The following KLHL29 variants were observed in gnomAD, a reference collection of about 807,000 sequenced individuals.
KLHL29 encodes kelch-like protein 29.
KLHL29 carries 21 observed loss-of-function variants against 80.4 expected under a neutral mutation model. The ratio of observed to expected loss-of-function variants is 0.26; its 90% CI spans 0.19 to 0.38. The LOEUF is 0.38. Among genes scored for constraint, KLHL29 ranks in the 10% least tolerant of loss-of-function variants. The probability of loss-of-function intolerance (pLI) is 1.00; values close to 1 mark genes in which losing one functional copy is unlikely to be tolerated. For synonymous variants in KLHL29, 511 were observed against 526.8 expected, an observed-to-expected ratio of 0.97 and a Z score of 0.41; for missense variants, 867 against 1,223.9, an observed-to-expected ratio of 0.71 and a Z score of 4.35.
intron 5 of KLHL29, among the ~76,000 whole-genome samples, chr2:23,666,622 A>C (rs1353175768): frequency 6.6e-6 from 1 of 152,218 alleles, no homozygotes; most frequent in East Asian, 1.9e-4. Flanking sequence ...ATGCAAGGAG[A>C]GTCCATTGAG....
intron 5 of KLHL29, among the ~76,000 whole-genome samples, chr2:23,651,994 C>T (rs1670100080): frequency 6.6e-6 from 1 of 152,174 alleles, no homozygotes; most frequent in Admixed American, 6.5e-5. Flanking sequence ...AGGGCTTCAA[C>T]ACAGGAATTT....
chr2:23,663,446 G>A (rs912152574), intron 5 of KLHL29, among the ~76,000 whole-genome samples: 1 of 152,206 alleles, frequency 6.6e-6, no homozygotes, highest in African/African-American at 2.4e-5. Flanking sequence ...ACGTGTGCCG[G>A]GGAGGGGACC....
intron 1 of KLHL29, among the ~76,000 whole-genome samples, chr2:23,446,884 AAT>A: frequency 6.6e-6 from 1 of 152,228 alleles, no homozygotes; most frequent in East Asian, 1.9e-4. Flanking sequence ...GCTGCAGTGA[AAT>A]ATGGAAACGG....
intron 1 of KLHL29, among the ~76,000 whole-genome samples, chr2:23,460,424 G>A (rs1011125306): frequency 2.6e-5 from 4 of 152,142 alleles, no homozygotes; most frequent in African/African-American, 9.7e-5. Flanking sequence ...TGATGTAGGG[G>A]GGAAGGGATG....
chr2:23,697,877 C>CAAT (rs1383251338), intron 11 of KLHL29: 1 of 152,178 alleles, frequency 6.6e-6, no homozygotes, highest in East Asian at 1.9e-4. Flanking sequence ...ATTTGTCATC[C>CAAT]AATAATAAAC....
At chr2:23,522,489 T>G (rs1488836363) in intron 2 of KLHL29, among the ~76,000 whole-genome samples, 1 of 152,122 alleles carries the variant, frequency 6.6e-6, no homozygotes, top group Non-Finnish European at 1.5e-5. Flanking sequence ...TTTGGTTATG[T>G]TTGGGATCAC....
intron 1 of KLHL29, among the ~76,000 whole-genome samples, chr2:23,474,813 A>G (rs934675785): frequency 2.0e-5 from 3 of 152,164 alleles, no homozygotes; most frequent in Non-Finnish European, 2.9e-5. Flanking sequence ...AGGAAAATCA[A>G]TTGATAATGA....
At position 23,385,603 on chromosome 2, in the gene KLHL29, A is replaced by AAGGCGGAGAGCAGGAACGCGAGGAGG. The variant is rs1666153252; in HGVS notation, c.-327_-302dup. The AAGGCGGAGAGCAGGAACGCGAGGAGG allele has an allele frequency of 1.8e-5, 3 of 167,702 alleles. No individual in the cohort carries two copies. Among genetic ancestry groups the AAGGCGGAGAGCAGGAACGCGAGGAGG allele is most frequent in the African/African-American group, 7.4e-5 (3 of 40,626 alleles). The allele number at this position is 167,702 out of a possible 1,614,324, so 10.4% of individuals were successfully genotyped here. A position where few individuals can be genotyped will look rare whatever the true frequency, so the allele number is the denominator to read the frequency against. ...GGAGGAGGAGGAGGAACGAGGGGAG[A>AAGGCGGAGAGCAGGAACGCGAGGAGG]AGGCGGAGAGCAGGAACGCGAGGAG... is the stretch of plus-strand genomic sequence containing the variant. On this transcript the variant is annotated 5_prime_UTR_variant, in exon 1 of 14. Coordinates refer to ENST00000486442, the MANE Select transcript of KLHL29 (RefSeq NM_052920.2).
intron 2 of KLHL29, among the ~76,000 whole-genome samples, chr2:23,492,168 G>A (rs527634196): frequency 2.0e-5 from 3 of 152,102 alleles, no homozygotes; most frequent in Admixed American, 6.5e-5. Flanking sequence ...TACCACCCAC[G>A]ATCACACTCT....
At chr2:23,601,862 G>A (rs2161787) in intron 3 of KLHL29, among the ~76,000 whole-genome samples, 88,708 of 152,090 alleles carry the variant, frequency 0.58, 27,899 homozygotes, top group South Asian at 0.74. Flanking sequence ...GCACAGGGCC[G>A]TGCTGTTTGC....
At chr2:23,677,263 G>A (rs547736894) in intron 5 of KLHL29, among the ~76,000 whole-genome samples, 1 of 152,336 alleles carries the variant, frequency 6.6e-6, no homozygotes, top group East Asian at 1.9e-4. Flanking sequence ...TCACTGCTCA[G>A]TAAATAGGCC....
At chr2:23,616,230 C>A (rs1041440901) in intron 3 of KLHL29, among the ~76,000 whole-genome samples, 1 of 152,176 alleles carries the variant, frequency 6.6e-6, no homozygotes, top group Non-Finnish European at 1.5e-5. Context: ...GGGTTCTGTT[C>A]TCTTGAGCCC....
intron 3 of KLHL29, among the ~76,000 whole-genome samples, chr2:23,634,205 C>T (rs1362024786): frequency 6.6e-6 from 1 of 152,072 alleles, no homozygotes; most frequent in Non-Finnish European, 1.5e-5. Context: ...CCTGTCTGCA[C>T]CACATGGTAC....
intron 2 of KLHL29, among the ~76,000 whole-genome samples, chr2:23,554,458 A>G (rs1667230407): frequency 6.6e-6 from 1 of 152,120 alleles, no homozygotes; most frequent in African/African-American, 2.4e-5. Flanking sequence ...CTGTGGATTA[A>G]TCATGCCTTC....
At chr2:23,555,692 T>G (rs1198065975) in intron 2 of KLHL29, among the ~76,000 whole-genome samples, 1 of 152,182 alleles carries the variant, frequency 6.6e-6, no homozygotes, top group East Asian at 1.9e-4. Context: ...GCCTCATCCC[T>G]CAGAAGTAGG....
At chr2:23,633,716 G>C (rs1669528893) in intron 3 of KLHL29, among the ~76,000 whole-genome samples, 1 of 141,156 alleles carries the variant, frequency 7.1e-6, no homozygotes, top group African/African-American at 2.7e-5. Context: ...GACTGGCATA[G>C]TGTCGCATCT....
At chr2:23,626,955 C>T (rs1221481130) in intron 3 of KLHL29, among the ~76,000 whole-genome samples, 3 of 152,178 alleles carry the variant, frequency 2.0e-5, no homozygotes, top group Admixed American at 1.3e-4. Flanking sequence ...GAGTTGGCAC[C>T]GTGGCTACCC....
intron 2 of KLHL29, among the ~76,000 whole-genome samples, chr2:23,534,955 T>C (rs1352798733): frequency 6.6e-6 from 1 of 152,202 alleles, no homozygotes; most frequent in Non-Finnish European, 1.5e-5. Context: ...AAAATGCGTC[T>C]GGCACAAAGG....
chr2:23,399,936 CA>C (rs1558323999), intron 1 of KLHL29, among the ~76,000 whole-genome samples: 1 of 152,212 alleles, frequency 6.6e-6, no homozygotes, highest in African/African-American at 2.4e-5. Flanking sequence ...CCATCCCATA[CA>C]GTTTGTGCAT....
Sources: gnomAD v4.1 joint callset for allele counts (sites outside exome capture counted in the v4.1 genomes callset) on GRCh38, gnomAD v4.1.1 for gene constraint, MANE v1.5 for transcripts, NCBI Gene and HGNC (gene_info 2026-07-23, HGNC 2026-07-21) for gene names.